Variants in RANBP2 observed in about 807,000 individuals in gnomAD.
The protein encoded by RANBP2 is E3 SUMO-protein ligase RanBP2.
RANBP2 carries 57 observed loss-of-function variants against 303.6 expected under a neutral mutation model. The ratio of observed to expected loss-of-function variants is 0.19; its 90% CI spans 0.15 to 0.23. The LOEUF (loss-of-function observed/expected upper bound fraction) is 0.23. Ranked by LOEUF, RANBP2 falls within the 10% of genes least tolerant of loss-of-function variation. RANBP2 has a pLI of 1.00. For synonymous variants in RANBP2, 1,167 were observed against 1,301.5 expected (o/e 0.90, Z 2.23); for missense variants, 3,138 against 3,780.8 (o/e 0.83, Z 4.46).
intron 7 of RANBP2, 87 bp from the exon 8 acceptor site, chr2:108,746,624 A>AAAAAGTAC (rs1696540895): frequency 9.9e-7 from 1 of 1,008,794 alleles, no homozygotes; most frequent in Non-Finnish European, 1.5e-6. Flanking sequence ...TCATTATCAA[A>AAAAAGTAC]AAAAGTACAG....
chr2:109,764,489 G>C, the RANBP2 span, among the ~76,000 whole-genome samples: 1 of 149,562 alleles, frequency 6.7e-6, no homozygotes, highest in Admixed American at 6.9e-5. Flanking sequence ...AGAAGACCTT[G>C]TGCTGGTTTC....
the RANBP2 span, among the ~76,000 whole-genome samples, chr2:108,857,987 G>T: frequency 6.6e-6 from 1 of 152,176 alleles, no homozygotes; most frequent in Non-Finnish European, 1.5e-5. Context: ...ATGCAAATTT[G>T]AATAAAGTCT....
chr2:109,172,906 C>T, the RANBP2 span, among the ~76,000 whole-genome samples: 1 of 152,214 alleles, frequency 6.6e-6, no homozygotes, highest in Admixed American at 6.5e-5. Flanking sequence ...ATGTTCAAAG[C>T]AATTGCTTGT....
chr2:109,055,827 C>A, the RANBP2 span, among the ~76,000 whole-genome samples: 181 of 136,710 alleles, frequency 1.3e-3, no homozygotes, highest in Non-Finnish European at 2.1e-3. Context: ...GTGGCGCGAT[C>A]TTGGCTCACT....
chr2:109,628,711 C>T, the RANBP2 span, among the ~76,000 whole-genome samples: 83 of 152,162 alleles, frequency 5.5e-4, no homozygotes, highest in African/African-American at 1.8e-3. Context: ...TCCAACCTGT[C>T]CACGTTGTGC....
chr2:109,325,331 C>CTTTTT, the RANBP2 span, among the ~76,000 whole-genome samples: 38 of 66,234 alleles, frequency 5.7e-4, 1 homozygote, highest in East Asian at 1.8e-3. Flanking sequence ...TTCTTTCTTT[C>CTTTTT]TTTTTTTTTT....
the RANBP2 span, among the ~76,000 whole-genome samples, chr2:109,513,560 GCACA>G: frequency 1.9e-3 from 293 of 151,810 alleles, 1 homozygote; most frequent in African/African-American, 6.6e-3. Flanking sequence ...CACACTGCAT[GCACA>G]CACCACACAA....
At chr2:108,856,138 G>T in the RANBP2 span, among the ~76,000 whole-genome samples, 12 of 152,184 alleles carry the variant, frequency 7.9e-5, no homozygotes, top group East Asian at 2.3e-3. Flanking sequence ...CCCAATCCTG[G>T]CCTTGCAGGT....
chr2:109,419,474 CT>C, the RANBP2 span: 2 of 1,503,600 alleles, frequency 1.3e-6, no homozygotes. Context: ...CCTCATTTTG[CT>C]TTTCTCTTTC....
At chr2:109,420,431 T>C in the RANBP2 span, among the ~76,000 whole-genome samples, 1 of 152,036 alleles carries the variant, frequency 6.6e-6, no homozygotes, top group African/African-American at 2.4e-5. Context: ...TTTGTTGTTG[T>C]TGTTGTTTTT....
the RANBP2 span, among the ~76,000 whole-genome samples, chr2:108,808,447 C>T: frequency 3.3e-5 from 5 of 152,078 alleles, no homozygotes; most frequent in South Asian, 2.1e-4. Context: ...TTGTGTTTTT[C>T]GTAATGGCTG....
the RANBP2 span, among the ~76,000 whole-genome samples, chr2:109,646,635 G>A: frequency 1.3e-5 from 2 of 151,770 alleles, no homozygotes; most frequent in East Asian, 3.9e-4. Flanking sequence ...GGGATTACAG[G>A]CGACTGCCAC....
At chr2:108,925,776 C>T in the RANBP2 span, among the ~76,000 whole-genome samples, 2 of 152,144 alleles carry the variant, frequency 1.3e-5, no homozygotes, top group East Asian at 3.9e-4. Context: ...CACCACGACG[C>T]CTGGCTAATT....
chr2:108,770,959 A>G (rs1287772854), intron 20 of RANBP2, among the ~76,000 whole-genome samples: 1 of 152,100 alleles, frequency 6.6e-6, no homozygotes, highest in East Asian at 1.9e-4. Flanking sequence ...GTTGGTATAC[A>G]TGGCATGCTT....
the RANBP2 span, among the ~76,000 whole-genome samples, chr2:108,957,287 A>G: frequency 6.6e-6 from 1 of 152,368 alleles, no homozygotes. Flanking sequence ...GAAAGCCTGG[A>G]AACAGCAACG....
At chr2:109,200,115 A>G in the RANBP2 span, among the ~76,000 whole-genome samples, 1 of 152,144 alleles carries the variant, frequency 6.6e-6, no homozygotes, top group East Asian at 1.9e-4. Flanking sequence ...TGTGGAGGAA[A>G]TGTTACGGAC....
the RANBP2 span, chr2:109,613,554 A>G: frequency 4.0e-6 from 1 of 247,896 alleles, no homozygotes. Flanking sequence ...GAACTCTCCC[A>G]CCGTCCCGAC....
In RANBP2 at chr2:108,767,369, C is replaced by T. The variant is rs2433707; in HGVS notation, c.6830C>T (p.Pro2277Leu). The T allele has an allele frequency of 3.7e-6, 6 of 1,611,980 alleles. No homozygotes were observed. Among genetic ancestry groups the T allele is most frequent in the South Asian group, 2.2e-5 (2 of 90,994 alleles). Residue 2277 changes from proline (P) to leucine (L), a missense_variant, in exon 20 of 29, where the codon CCA (proline) becomes CTA (leucine). This residue lies in a region of RANBP2 where 72 missense variants were observed against 86.8 expected (regional missense o/e 0.83). Transcript: ENST00000283195. ...FNFSFKSALSPSKSPAKLNQS... is the reference protein window; with the variant it reads ...FNFSFKSALSLSKSPAKLNQS... ...TTCAGTTTTAAATCTGCTTTGAGTC[C>T]ATCTAAGTCTCCTGCCAAGTTGAAT...
the RANBP2 span, among the ~76,000 whole-genome samples, chr2:109,406,589 GAAA>G: frequency 5.9e-5 from 9 of 152,166 alleles, no homozygotes; most frequent in Admixed American, 2.0e-4. Context: ...TTTGGTAAAT[GAAA>G]GCTTTGCTGG....
Sources: gnomAD v4.1 joint callset for allele counts (sites outside exome capture counted in the v4.1 genomes callset) on GRCh38, gnomAD v4.1.1 for gene constraint, gnomAD v4.1.1 regional missense constraint, MANE v1.5 for transcripts, NCBI Gene and HGNC (gene_info 2026-07-23, HGNC 2026-07-21) for gene names.